Variants in TMEM116 observed in about 807,000 individuals in gnomAD.
TMEM116 encodes the protein transmembrane protein 116.
A neutral mutation model predicts 44.3 loss-of-function variants in TMEM116; 38 were observed. The observed-to-expected ratio is 0.86, with a 90% CI of 0.66 to 1.12. TMEM116 has a LOEUF of 1.12. Among genes scored for constraint, TMEM116 ranks in the 50% most tolerant of loss-of-function variants. TMEM116 has a pLI of 0.00. For missense variants in TMEM116, 354 were observed against 401.7 expected, an observed-to-expected ratio of 0.88 and a Z score of 1.01; for synonymous variants, 132 against 144.8, an observed-to-expected ratio of 0.91 and a Z score of 0.64.
At chr12:111,992,840 C>T (rs2076694422) in intron 3 of TMEM116, among the ~76,000 whole-genome samples, 1 of 152,144 alleles carries the variant, frequency 6.6e-6, no homozygotes, top group Admixed American at 6.6e-5. Context: ...TGAGGGACTC[C>T]TAAAGATTAA....
chr12:112,010,039 T>TA (rs2077767656), intron 1 of TMEM116, among the ~76,000 whole-genome samples: 1 of 152,070 alleles, frequency 6.6e-6, no homozygotes, highest in African/African-American at 2.4e-5. Context: ...AGAAAATTCT[T>TA]AGTTTGACTT....
At chr12:111,963,792 A>G (rs967299619) in intron 4 of TMEM116, among the ~76,000 whole-genome samples, 6 of 152,168 alleles carry the variant, frequency 3.9e-5, no homozygotes, top group African/African-American at 1.4e-4. Context: ...TCCTGCACAC[A>G]TACGCCAGAA....
chr12:111,939,885 T>C (rs1446578154), intron 5 of TMEM116, among the ~76,000 whole-genome samples: 1 of 46,316 alleles, frequency 2.2e-5, no homozygotes, highest in Admixed American at 2.1e-4. Context: ...AAGCTCTGTG[T>C]GTGTGTGTGT....
rs757556503 is a variant in TMEM116 at position 111,931,719 on chromosome 12, T to C, written c.916A>G (p.Thr306Ala). ...CTCTTCTGTGAGCATAATAATGGTGTCTGGGTATCTGCATCACGCCGAGCC... is the reference window on the plus strand; with the variant it reads ...CTCTTCTGTGAGCATAATAATGGTGCCTGGGTATCTGCATCACGCCGAGCC... ...QEARRDADTQ[T>A]PLLCSQKRFY... Residue 306 changes from threonine (T) to alanine (A), a missense_variant, in exon 11 of 11, where the codon ACA becomes GCA. By Grantham distance (58) the Thr-to-Ala change is moderately conservative. Transcript: ENST00000552374. 105 of 1,613,690 alleles carry C rather than the reference T, an allele frequency of 6.5e-5. No individual in the cohort carries two copies. The highest frequency in any genetic ancestry group is 8.3e-5 in the Non-Finnish European group (98 of 1,179,944).
intron 8 of TMEM116, chr12:111,934,396 A>G (rs1374441262): frequency 1.6e-5 from 3 of 184,488 alleles, no homozygotes; most frequent in African/African-American, 2.4e-5. Context: ...TTTGTTAGAA[A>G]GTGTTCTATG....
At chr12:111,958,075 G>A (rs568490781) in intron 4 of TMEM116, among the ~76,000 whole-genome samples, 1 of 152,006 alleles carries the variant, frequency 6.6e-6, no homozygotes, top group African/African-American at 2.4e-5. Flanking sequence ...CTTGAAGGCA[G>A]CATGCTCGTT....
At chr12:111,935,826 A>G (rs1467756586) in intron 8 of TMEM116, 2 of 152,132 alleles carry the variant, frequency 1.3e-5, no homozygotes, top group Admixed American at 1.3e-4. Context: ...TTTTTAGTAG[A>G]GACGGGGTTT....
chr12:111,999,641 T>G (rs1457433276), intron 3 of TMEM116, among the ~76,000 whole-genome samples: 1 of 151,834 alleles, frequency 6.6e-6, no homozygotes, highest in Admixed American at 6.6e-5. Context: ...TATATACACA[T>G]GTATATAGTA....
At chr12:111,964,056 T>C (rs775142067) in intron 4 of TMEM116, among the ~76,000 whole-genome samples, 4 of 151,826 alleles carry the variant, frequency 2.6e-5, no homozygotes, top group Non-Finnish European at 5.9e-5. Flanking sequence ...TTTTTTTCTT[T>C]TTAGTTTTTC....
At chr12:111,996,039 CAAAAAAA>C (rs60431093) in intron 3 of TMEM116, among the ~76,000 whole-genome samples, 26 of 53,686 alleles carry the variant, frequency 4.8e-4, no homozygotes, top group Non-Finnish European at 9.8e-4. Context: ...GACCCTGTCT[CAAAAAAA>C]AAAAAAAAAA....
intron 4 of TMEM116, among the ~76,000 whole-genome samples, chr12:111,971,913 C>CA (rs1363021674): frequency 3.3e-5 from 5 of 151,286 alleles, no homozygotes; most frequent in Admixed American, 6.6e-5. Context: ...CCCATCTCTA[C>CA]AAAAAAAATA....
chr12:112,005,406 G>C, intron 1 of TMEM116, 103 bp from the exon 2 acceptor site: 1 of 845,484 alleles, frequency 1.2e-6, no homozygotes, highest in Middle Eastern at 2.8e-4. Flanking sequence ...TTTCTTCAAA[G>C]CCTAATCTCA....
chr12:111,965,792 C>T (rs1490319333), intron 4 of TMEM116: 1 of 350,504 alleles, frequency 2.9e-6, no homozygotes, highest in South Asian at 2.2e-5. Context: ...TAGCCTTAGC[C>T]AGGCATGGTG....
At chr12:111,979,041 A>T (rs1450457826) in intron 4 of TMEM116, among the ~76,000 whole-genome samples, 1 of 152,222 alleles carries the variant, frequency 6.6e-6, no homozygotes, top group Non-Finnish European at 1.5e-5. Context: ...AATGTAAAAC[A>T]CAAAAGTTCT....
At chr12:111,992,620 T>TA (rs1173348641) in intron 3 of TMEM116, among the ~76,000 whole-genome samples, 9 of 152,162 alleles carry the variant, frequency 5.9e-5, no homozygotes, top group African/African-American at 2.2e-4. Flanking sequence ...GCTGAGGACT[T>TA]AAAGAAAATG....
At chr12:111,965,000 CAA>C (rs2074889898) in intron 4 of TMEM116, among the ~76,000 whole-genome samples, 1 of 152,136 alleles carries the variant, frequency 6.6e-6, no homozygotes, top group African/African-American at 2.4e-5. Context: ...AGGTAAAGAG[CAA>C]AGAGTTTTTC....
rs1418236292 is a variant in TMEM116, at chr12:112,003,697, T to C, written c.78+103A>G. ...TGTATCATCATGACAAATTTAAAAG[T>C]AATTCATAGAATTATTTCACCACTT... On this transcript the variant is annotated intron_variant, in intron 3 of 10. Transcript: ENST00000552374. The C allele has an allele frequency of 7.0e-6, 10 of 1,426,110 alleles. No homozygotes were observed. In the South Asian group the frequency reaches 1.2e-4, roughly 17 times the overall value. 88.3% of individuals were successfully genotyped at this position (1,426,110 alleles called of 1,614,324 possible). A position where few individuals can be genotyped will look rare whatever the true frequency, so the allele number is the denominator to read the frequency against.
chr12:112,012,128 A>T (rs975522920), intron 1 of TMEM116: 2 of 152,194 alleles, frequency 1.3e-5, no homozygotes, highest in African/African-American at 4.8e-5. Context: ...GCCTGTGCAT[A>T]ATTTTCCCAT....
chr12:111,975,965 A>G (rs772714204), intron 4 of TMEM116, among the ~76,000 whole-genome samples: 22 of 152,142 alleles, frequency 1.4e-4, no homozygotes, highest in Admixed American at 9.2e-4. Context: ...GGTTCAAACC[A>G]TCAACTCCAT....
Sources: allele counts gnomAD v4.1 joint callset (sites outside exome capture counted in the v4.1 genomes callset), GRCh38; gene constraint gnomAD v4.1.1; transcripts MANE v1.5; gene names NCBI Gene and HGNC (gene_info 2026-07-23, HGNC 2026-07-21).